The following PCDHB1 variants were observed in gnomAD, a reference collection of about 807,000 sequenced individuals.
PCDHB1 encodes the protein protocadherin beta 1, also known as protocadherin beta-1.
PCDHB1 carries 44 observed loss-of-function variants against 43.5 expected under a neutral mutation model. That is an observed-to-expected ratio of 1.01 (90% confidence interval 0.79 to 1.30). PCDHB1 has a LOEUF of 1.30. PCDHB1 is among the 50% of genes most tolerant of loss of function. The pLI is 0.00. For synonymous variants in PCDHB1, 392 were observed against 400.8 expected, an observed-to-expected ratio of 0.98 and a Z score of 0.26; for missense variants, 919 against 1,008.9, an observed-to-expected ratio of 0.91 and a Z score of 1.21.
At position 141,054,162 on chromosome 5, in the gene PCDHB1, G is replaced by T. The variant is rs1751072951; in HGVS notation, c.*235G>T. The T allele has an allele frequency of 4.5e-6, 2 of 440,050 alleles. No individual in the cohort carries two copies. The highest frequency in any genetic ancestry group is 3.7e-5 in the Admixed American group (1 of 26,856). 27.3% of individuals were successfully genotyped at this position (440,050 alleles called of 1,614,324 possible). A position where few individuals can be genotyped will look rare whatever the true frequency, so the allele number is the denominator to read the frequency against. On this transcript the variant is annotated 3_prime_UTR_variant, in exon 1 of 1. Transcript: ENST00000306549. Reference sequence around the variant, plus strand: ...TAACCCTTTCTCCAGTTGGAATTCTGTTTAAAGAAATGTCACCCTCTATAA... The same window carrying T: ...TAACCCTTTCTCCAGTTGGAATTCTTTTTAAAGAAATGTCACCCTCTATAA...
rs1042076003 is a variant in PCDHB1, at chr5:141,054,692, T to G, written c.*765T>G. 1.4e-5 allele frequency: 2 copies of G among 137,964 alleles called. No individual in the cohort carries two copies. The highest frequency in any genetic ancestry group is 2.1e-4 in the East Asian group (1 of 4,750). 8.5% of individuals were successfully genotyped at this position (137,964 alleles called of 1,614,324 possible). A position where few individuals can be genotyped will look rare whatever the true frequency, so the allele number is the denominator to read the frequency against. On this transcript the variant is annotated 3_prime_UTR_variant, in exon 1 of 1. Transcript: ENST00000306549. ...TTAAATTAGATGTAGTTGTTTTTTT[T>G]TTTTTTTTTTTTTTTTTTGAGACGG...
rs782328433 is a variant in PCDHB1, at chr5:141,051,549, G to C, written c.79G>C (p.Asp27His). 12 of 1,614,114 alleles carry C rather than the reference G, an allele frequency of 7.4e-6. No homozygotes were observed. In the Admixed American group the frequency reaches 1.8e-4, roughly 25 times the overall value. The change falls in exon 1 of 1, where the codon GAT becomes CAT. Residue 27 changes from aspartate (D) to histidine (H), a missense_variant. By Grantham distance (81) the Asp-to-His change is moderately conservative. Coordinates refer to ENST00000306549, the MANE Select transcript of PCDHB1 (RefSeq NM_013340.4). ...CATTTTTCTGTGCATATCTGTGGGG[G>C]ATGCGACAACTATCCGCTATTCAGT... ...LLIFLCISVG[D>H]ATTIRYSVAE... is the part of the protein sequence containing the mutation.
At position 141,058,406 on chromosome 5, in the gene PCDHB1, A is replaced by C. The variant is rs1030340331; in HGVS notation, c.*4479A>C. The C allele has an allele frequency of 6.6e-6, 1 of 152,244 alleles. No homozygotes were observed. The highest frequency in any genetic ancestry group is 2.1e-4 in the South Asian group (1 of 4,834). 9.4% of individuals were successfully genotyped at this position (152,244 alleles called of 1,614,324 possible). A position where few individuals can be genotyped will look rare whatever the true frequency, so the allele number is the denominator to read the frequency against. ...AATGCATTATTGGGAAAAATACTGC[A>C]GAAATGATATTGTATCCTTTTCAGT... On this transcript the variant is annotated 3_prime_UTR_variant, in exon 1 of 1. Coordinates refer to ENST00000306549, the MANE Select transcript of PCDHB1 (RefSeq NM_013340.4).
Position 141,058,484 on chromosome 5 carries a change from T to C in PCDHB1, c.*4557T>C, listed in dbSNP as rs909330647. On this transcript the variant is annotated 3_prime_UTR_variant, in exon 1 of 1. Coordinates refer to ENST00000306549, the MANE Select transcript of PCDHB1 (RefSeq NM_013340.4). Reference sequence around the variant, plus strand: ...AATGTCACACTACTGGTGATATTAATCTTTTTTCTTTTATTGTGGTAAAGA... The same window carrying C: ...AATGTCACACTACTGGTGATATTAACCTTTTTTCTTTTATTGTGGTAAAGA... 7.0e-6 allele frequency: 1 copy of C among 143,620 alleles called. No individual in the cohort carries two copies. Among genetic ancestry groups the C allele is most frequent in the Non-Finnish European group, 1.6e-5 (1 of 64,116 alleles). The allele number at this position is 143,620 out of a possible 1,614,324, so 8.9% of individuals were successfully genotyped here. A position where few individuals can be genotyped will look rare whatever the true frequency, so the allele number is the denominator to read the frequency against.
In PCDHB1 at chr5:141,052,983, A is replaced by G. The variant is rs782073325; in HGVS notation, c.1513A>G (p.Ile505Val). ...CGGAGATCTTTCAGTCTTTGCTTAC[A>G]TATCCATAAATTCAGGCAATGGGAA... ...KNGDLSVFAY[I>V]SINSGNGKLY... Residue 505 changes from isoleucine to valine, a missense_variant, in exon 1 of 1, where the codon ATA (isoleucine) becomes GTA (valine). By Grantham distance (29) the Ile-to-Val change is conservative. Transcript: ENST00000306549. 3 of 1,614,086 alleles carry G rather than the reference A, an allele frequency of 1.9e-6. No homozygotes were observed. In the East Asian group the frequency reaches 6.7e-5, roughly 36 times the overall value.
At position 141,053,003 on chromosome 5, in the gene PCDHB1, T is replaced by C. The variant is rs781845845; in HGVS notation, c.1533T>C (p.Asn511=). The C allele has an allele frequency of 1.9e-6, 3 of 1,614,168 alleles. No homozygotes were observed. In the Admixed American group the frequency reaches 5.0e-5, roughly 27 times the overall value. Residue 511 remains asparagine, a synonymous_variant, in exon 1 of 1, where the codon AAT becomes AAC. Coordinates refer to ENST00000306549, the MANE Select transcript of PCDHB1 (RefSeq NM_013340.4). ...CTTACATATCCATAAATTCAGGCAA[T>C]GGGAAGCTCTACGCGCTGAGAACCA... ...VFAYISINSG[N]GKLYALRTMD... is the part of the protein sequence containing the mutation.
rs1554267466 is a variant in PCDHB1, at chr5:141,053,479, C to A, written c.2009C>A (p.Pro670His). 6.2e-7 allele frequency: 1 copy of A among 1,614,058 alleles called. No homozygotes were observed. The highest frequency in any genetic ancestry group is 8.5e-7 in the Non-Finnish European group (1 of 1,179,940). Reference protein sequence around the residue: ...NILLVDGFSEPYLQFQDPTKH... With the variant: ...NILLVDGFSEHYLQFQDPTKH... ...CTGCTGGTAGATGGCTTTTCAGAGC[C>A]CTACCTGCAGTTCCAGGATCCAACC... is the stretch of plus-strand genomic sequence containing the variant. The change falls in exon 1 of 1, where the codon CCC becomes CAC. Residue 670 changes from proline (P) to histidine (H), a missense_variant. Transcript: ENST00000306549.
In PCDHB1 at chr5:141,054,168, A is replaced by G. The variant is rs1482449312; in HGVS notation, c.*241A>G. 2.3e-6 allele frequency: 1 copy of G among 436,560 alleles called. No individual in the cohort carries two copies. Among genetic ancestry groups the G allele is most frequent in the Non-Finnish European group, 4.1e-6 (1 of 246,050 alleles). 27.0% of individuals were successfully genotyped at this position (436,560 alleles called of 1,614,324 possible). A position where few individuals can be genotyped will look rare whatever the true frequency, so the allele number is the denominator to read the frequency against. ...TTTCTCCAGTTGGAATTCTGTTTAA[A>G]GAAATGTCACCCTCTATAAATGCAT... On this transcript the variant is annotated 3_prime_UTR_variant, in exon 1 of 1. Transcript: ENST00000306549.
Position 141,053,233 on chromosome 5 carries a change from C to T in PCDHB1, c.1763C>T (p.Thr588Ile). Residue 588 changes from threonine to isoleucine, a missense_variant, in exon 1 of 1, where the codon ACC becomes ATC. Physicochemically the swap from Thr to Ile is moderately conservative, Grantham distance 89 (BLOSUM62 -1). Transcript: ENST00000306549. ...PRSAEAGYLV[T>I]KVVAVDGDSG... is the part of the protein sequence containing the mutation. ...TCTGCAGAGGCAGGCTACCTAGTGACCAAAGTGGTGGCTGTGGATGGTGAC... is the reference window on the plus strand; with the variant it reads ...TCTGCAGAGGCAGGCTACCTAGTGATCAAAGTGGTGGCTGTGGATGGTGAC... 6.2e-7 allele frequency: 1 copy of T among 1,614,172 alleles called. No homozygotes were observed. The highest frequency in any genetic ancestry group is 8.5e-7 in the Non-Finnish European group (1 of 1,180,034).
At position 141,053,694 on chromosome 5, in the gene PCDHB1, C is replaced by T; in HGVS notation, c.2224C>T (p.Gln742Ter). The T allele has an allele frequency of 6.2e-7, 1 of 1,614,020 alleles. No homozygotes were observed. The highest frequency in any genetic ancestry group is 8.5e-7 in the Non-Finnish European group (1 of 1,179,890). ...DDCNFSNNLV[Q>*]GQGNGSLSRP... Reference sequence around the variant, plus strand: ...CTGTAATTTCTCTAACAACCTGGTACAAGGACAAGGCAATGGATCCTTATC... The same window carrying T: ...CTGTAATTTCTCTAACAACCTGGTATAAGGACAAGGCAATGGATCCTTATC... The change falls in exon 1 of 1, where the codon CAA (glutamine) becomes TAA (stop). Residue 742 changes from glutamine (Q) to a stop codon, truncating the protein, a stop_gained. Coordinates refer to ENST00000306549, the MANE Select transcript of PCDHB1 (RefSeq NM_013340.4). LOFTEE classifies it high-confidence loss of function.
In PCDHB1 at chr5:141,051,744, C is replaced by A; in HGVS notation, c.274C>A (p.Arg92=). ...GDLFVKEKLD[R]ESLCGKADPC... ...TTTGTTTGTGAAGGAGAAACTGGAT[C>A]GGGAGTCACTTTGTGGCAAAGCCGA... The change falls in exon 1 of 1, where the codon CGG becomes AGG. Residue 92 remains arginine, a synonymous_variant. Coordinates refer to ENST00000306549, the MANE Select transcript of PCDHB1 (RefSeq NM_013340.4). 1 of 1,614,218 alleles carries A rather than the reference C, an allele frequency of 6.2e-7. No individual in the cohort carries two copies. Among genetic ancestry groups the A allele is most frequent in the Non-Finnish European group, 8.5e-7 (1 of 1,180,054 alleles).
rs1751129769 is a variant in PCDHB1, at chr5:141,056,151, C to T, written c.*2224C>T. On this transcript the variant is annotated 3_prime_UTR_variant, in exon 1 of 1. Transcript: ENST00000306549. ...GTGTAAATTCAGACTCACTAGAATA[C>T]ATCCTCTTGGTATTTTAAGGGTAGA... 1 of 151,994 alleles carries T rather than the reference C, an allele frequency of 6.6e-6. No homozygotes were observed. Among genetic ancestry groups the T allele is most frequent in the African/African-American group, 2.4e-5 (1 of 41,382 alleles). 9.4% of individuals were successfully genotyped at this position (151,994 alleles called of 1,614,324 possible).
chr5:141,053,199 G>A lies in PCDHB1; in HGVS notation c.1729G>A (p.Val577Met), dbSNP rs1554267416. The A allele has an allele frequency of 6.2e-7, 1 of 1,614,176 alleles. No homozygotes were observed. The highest frequency in any genetic ancestry group is 8.5e-7 in the Non-Finnish European group (1 of 1,180,036). Residue 577 changes from valine (V) to methionine (M), a missense_variant, in exon 1 of 1, where the codon GTG (valine) becomes ATG (methionine). Coordinates refer to ENST00000306549, the MANE Select transcript of PCDHB1 (RefSeq NM_013340.4). ...CGGCACCTTGCCCTGCAATGACCTG[G>A]TGCCCAGGTCTGCAGAGGCAGGCTA... ...QNGTLPCNDL[V>M]PRSAEAGYLV... is the part of the protein sequence containing the mutation.
chr5:141,051,545 G>T lies in PCDHB1; in HGVS notation c.75G>T (p.Val25=). The T allele has an allele frequency of 1.2e-6, 2 of 1,614,232 alleles. No individual in the cohort carries two copies. The highest frequency in any genetic ancestry group is 1.7e-6 in the Non-Finnish European group (2 of 1,180,038). ...GSLLIFLCIS[V]GDATTIRYSV... ...TTCTCATTTTTCTGTGCATATCTGT[G>T]GGGGATGCGACAACTATCCGCTATT... is the stretch of plus-strand genomic sequence containing the variant. The change falls in exon 1 of 1, where the codon GTG becomes GTT. Residue 25 remains valine (V), a synonymous_variant. Transcript: ENST00000306549.
At position 141,053,489 on chromosome 5, in the gene PCDHB1, G is replaced by A; in HGVS notation, c.2019G>A (p.Gln673=). The A allele has an allele frequency of 6.2e-7, 1 of 1,614,162 alleles. No homozygotes were observed. The highest frequency in any genetic ancestry group is 1.1e-5 in the South Asian group (1 of 91,086). ...ATGGCTTTTCAGAGCCCTACCTGCAGTTCCAGGATCCAACCAAGCATTCTA... is the reference window on the plus strand; with the variant it reads ...ATGGCTTTTCAGAGCCCTACCTGCAATTCCAGGATCCAACCAAGCATTCTA... The part of the protein sequence containing the change: ...LVDGFSEPYL[Q]FQDPTKHSRK... The change falls in exon 1 of 1, where the codon CAG becomes CAA. Residue 673 remains glutamine (Q), a synonymous_variant. Coordinates refer to ENST00000306549, the MANE Select transcript of PCDHB1 (RefSeq NM_013340.4).
At position 141,052,256 on chromosome 5, in the gene PCDHB1, C is replaced by T; in HGVS notation, c.786C>T (p.Ala262=). The part of the protein sequence containing the change: ...SENSPNGSLV[A]TVTAVDLDEG... ...ACAGCCCCAATGGCTCTTTGGTGGCCACGGTGACTGCCGTGGACCTAGACG... is the reference window on the plus strand; with the variant it reads ...ACAGCCCCAATGGCTCTTTGGTGGCTACGGTGACTGCCGTGGACCTAGACG... The change falls in exon 1 of 1, where the codon GCC becomes GCT. Residue 262 remains alanine (A), a synonymous_variant. Transcript: ENST00000306549. 1.2e-6 allele frequency: 2 copies of T among 1,614,138 alleles called. No individual in the cohort carries two copies. Among genetic ancestry groups the T allele is most frequent in the Non-Finnish European group, 1.7e-6 (2 of 1,180,028 alleles).
chr5:141,055,499 T>G lies in PCDHB1; in HGVS notation c.*1572T>G, dbSNP rs1174361776. 6.6e-6 allele frequency: 1 copy of G among 152,236 alleles called. No individual in the cohort carries two copies. Among genetic ancestry groups the G allele is most frequent in the Non-Finnish European group, 1.5e-5 (1 of 68,040 alleles). 9.4% of individuals were successfully genotyped at this position (152,236 alleles called of 1,614,324 possible). A position where few individuals can be genotyped will look rare whatever the true frequency, so the allele number is the denominator to read the frequency against. On this transcript the variant is annotated 3_prime_UTR_variant, in exon 1 of 1. Transcript: ENST00000306549. ...AGTTAATAAGTGTTACAGAACACTC[T>G]AAACTATTTTGTGCCATTAAGTGTA...
Position 141,054,646 on chromosome 5 carries a change from G to C in PCDHB1, c.*719G>C, listed in dbSNP as rs1351289716. On this transcript the variant is annotated 3_prime_UTR_variant, in exon 1 of 1. Coordinates refer to ENST00000306549, the MANE Select transcript of PCDHB1 (RefSeq NM_013340.4). ...GCAGACATAAGGATAAAGAGATTCA[G>C]TTTAGGAATGTTCTCCAAAATTAAA... 6.9e-6 allele frequency: 1 copy of C among 144,872 alleles called. No homozygotes were observed. The highest frequency in any genetic ancestry group is 2.5e-5 in the African/African-American group (1 of 39,298). The allele number at this position is 144,872 out of a possible 1,614,324, so 9.0% of individuals were successfully genotyped here.
At position 141,052,360 on chromosome 5, in the gene PCDHB1, A is replaced by C; in HGVS notation, c.890A>C (p.Gln297Pro). Residue 297 changes from glutamine (Q) to proline (P), a missense_variant, in exon 1 of 1, where the codon CAA becomes CCA. Transcript: ENST00000306549. ...CTCAAGACGTTTCAGATTGACCCTCAAAATGGAGAAGTTCGACTAAGAGGA... is the reference window on the plus strand; with the variant it reads ...CTCAAGACGTTTCAGATTGACCCTCCAAATGGAGAAGTTCGACTAAGAGGA... ...AILKTFQIDPQNGEVRLRGPL... is the reference protein window; with the variant it reads ...AILKTFQIDPPNGEVRLRGPL... 6.2e-7 allele frequency: 1 copy of C among 1,614,260 alleles called. No individual in the cohort carries two copies. The highest frequency in any genetic ancestry group is 8.5e-7 in the Non-Finnish European group (1 of 1,180,046).
Sources: allele counts gnomAD v4.1 joint callset, GRCh38; gene constraint gnomAD v4.1.1; transcripts MANE v1.5; gene names NCBI Gene and HGNC (gene_info 2026-07-23, HGNC 2026-07-21).